The following CDC14B variants were observed in gnomAD, a reference collection of about 807,000 sequenced individuals.
The protein encoded by CDC14B is dual specificity protein phosphatase CDC14B.
Under a neutral mutation model 64.2 loss-of-function variants are expected in CDC14B, and 22 were observed. The ratio of observed to expected loss-of-function variants is 0.34; its 90% CI spans 0.24 to 0.49. The LOEUF is 0.49. Ranked by LOEUF, CDC14B falls within the 20% of genes least tolerant of loss-of-function variation. The pLI is 0.99. For missense variants in CDC14B, 498 were observed against 629.9 expected, an observed-to-expected ratio of 0.79 and a Z score of 2.24; for synonymous variants, 191 against 215.8, an observed-to-expected ratio of 0.89 and a Z score of 1.01.
intron 1 of CDC14B, among the ~76,000 whole-genome samples, chr9:96,594,464 C>G (rs1439389343): frequency 3.3e-5 from 5 of 152,098 alleles, no homozygotes; most frequent in Admixed American, 3.3e-4. Context: ...CACCTGTAAT[C>G]TCAGCACTTT....
chr9:96,522,808 A>T (rs547798885), intron 11 of CDC14B, among the ~76,000 whole-genome samples: 1 of 151,354 alleles, frequency 6.6e-6, no homozygotes, highest in East Asian at 1.9e-4. Context: ...TCTTGTTAGA[A>T]AACACATCAA....
downstream of CDC14B, chr9:96,496,290 G>T (rs1304775829): frequency 1.9e-6 from 1 of 513,418 alleles, no homozygotes; most frequent in Non-Finnish European, 3.9e-6. Context: ...CGCAGGTCTA[G>T]TCCTTGTGGA....
At chr9:96,497,258 TTGC>T (rs1263812870), downstream of CDC14B, among the ~76,000 whole-genome samples, 1 of 152,188 alleles carries the variant, frequency 6.6e-6, no homozygotes, top group Non-Finnish European at 1.5e-5. Context: ...CCATGCAGAC[TTGC>T]TGCCAAAGAG....
intron 1 of CDC14B, among the ~76,000 whole-genome samples, chr9:96,618,203 A>G (rs1211774812): frequency 6.6e-6 from 1 of 152,094 alleles, no homozygotes; most frequent in Middle Eastern, 3.4e-3. Context: ...TGTTCTCGCC[A>G]CTCCAGCTTA....
chr9:96,619,093 G>C (rs563315869), intron 1 of CDC14B, 126 bp downstream of exon 1: 6 of 685,820 alleles, frequency 8.7e-6, no homozygotes, highest in African/African-American at 1.9e-5. Flanking sequence ...GGGCGTTTAA[G>C]GGGGTGGGGG....
chr9:96,528,315 A>G (rs1457196719), intron 9 of CDC14B, among the ~76,000 whole-genome samples: 2 of 152,130 alleles, frequency 1.3e-5, no homozygotes, highest in African/African-American at 4.8e-5. Context: ...TGAGGTCAGG[A>G]GTTCGAGACC....
chr9:96,525,549 G>A (rs1338594914), intron 9 of CDC14B, among the ~76,000 whole-genome samples: 1 of 152,140 alleles, frequency 6.6e-6, no homozygotes, highest in Non-Finnish European at 1.5e-5. Context: ...AGCCCTCAGG[G>A]ACAAAGCCAC....
chr9:96,574,783 TAGG>T (rs536890838), intron 1 of CDC14B, among the ~76,000 whole-genome samples: 112 of 143,988 alleles, frequency 7.8e-4, no homozygotes, highest in African/African-American at 3.0e-3. Context: ...ACTCACAGAA[TAGG>T]AGAAGATAGA....
At chr9:96,591,056 T>C (rs1183126744) in intron 1 of CDC14B, among the ~76,000 whole-genome samples, 1 of 152,186 alleles carries the variant, frequency 6.6e-6, no homozygotes. Context: ...CCATTCTAGG[T>C]TGTCTTTTCA....
chr9:96,558,681 G>T (rs991953385), intron 4 of CDC14B, among the ~76,000 whole-genome samples: 1 of 152,092 alleles, frequency 6.6e-6, no homozygotes, highest in South Asian at 2.1e-4. Context: ...GTTTTGAAAA[G>T]CACTTAAAAT....
intron 1 of CDC14B, among the ~76,000 whole-genome samples, chr9:96,615,397 G>C (rs891119096): frequency 6.6e-6 from 1 of 152,130 alleles, no homozygotes; most frequent in Non-Finnish European, 1.5e-5. Flanking sequence ...CAAAAATAGG[G>C]ATTAAGCATC....
Position 96,520,732 on chromosome 9 carries a change from TCA to T in CDC14B, c.1343+1772_1343+1773del, listed in dbSNP as rs752722208. Among the ~76,000 whole-genome samples, 13 of 152,156 alleles carry T rather than the reference TCA, an allele frequency of 8.5e-5. No individual in the cohort carries two copies. The East Asian group carries it at 2.3e-3, about 27-fold the overall frequency. Reference sequence around the variant, plus strand: ...CAGCTAAAATCAACCCACAAAAGCATCAGTTTCCTAGGGCTTGCAATTCAATG... The same window carrying T: ...CAGCTAAAATCAACCCACAAAAGCATGTTTCCTAGGGCTTGCAATTCAATG... On this transcript the variant is annotated intron_variant, in intron 12 of 13. Transcript: ENST00000375241.
chr9:96,591,237 T>A (rs1845776610), intron 1 of CDC14B, among the ~76,000 whole-genome samples: 2 of 152,222 alleles, frequency 1.3e-5, no homozygotes, highest in South Asian at 4.1e-4. Context: ...TAGTTTCTGG[T>A]CTTATGTTTA....
intron 1 of CDC14B, among the ~76,000 whole-genome samples, chr9:96,571,575 T>C (rs984357985): frequency 1.3e-5 from 2 of 152,144 alleles, no homozygotes; most frequent in African/African-American, 2.4e-5. Context: ...AAAAGACCTA[T>C]AATAAAAGTT....
At chr9:96,519,730 TAAAAA>T (rs59101582) in intron 12 of CDC14B, among the ~76,000 whole-genome samples, 1,611 of 111,358 alleles carry the variant, frequency 0.014, 26 homozygotes, top group African/African-American at 0.045. Flanking sequence ...GACTCTGTCT[TAAAAA>T]AAAAAAAAAA....
chr9:96,559,004 T>C (rs1263165357), intron 4 of CDC14B, among the ~76,000 whole-genome samples: 2 of 152,164 alleles, frequency 1.3e-5, no homozygotes, highest in South Asian at 2.1e-4. Flanking sequence ...TGAAATACAA[T>C]AAAGACAAAT....
Position 96,610,098 on chromosome 9 carries a change from T to TACAC in CDC14B, c.160+9117_160+9120dup, listed in dbSNP as rs570379220. Among the ~76,000 whole-genome samples the TACAC allele has an allele frequency of 2.6e-3, 386 of 149,568 alleles. 2 individuals carry two copies. The highest frequency in any genetic ancestry group is 3.0e-3 in the African/African-American group (122 of 41,056). ...GTTTTAAATTGGAAAGATATATAGA[T>TACAC]ACACACACACACACACACACACCCA... is the stretch of plus-strand genomic sequence containing the variant. On this transcript the variant is annotated intron_variant, in intron 1 of 13. Transcript: ENST00000375241.
chr9:96,566,926 C>G, intron 1 of CDC14B: 7 of 1,521,280 alleles, frequency 4.6e-6, no homozygotes, highest in Non-Finnish European at 6.2e-6. Context: ...TAAAGGGCCG[C>G]GCGGGGCAGC....
At chr9:96,544,932 G>GA (rs895533687) in intron 5 of CDC14B, among the ~76,000 whole-genome samples, 6 of 152,094 alleles carry the variant, frequency 3.9e-5, no homozygotes, top group Non-Finnish European at 8.8e-5. Flanking sequence ...TATTCAGAAA[G>GA]AAAAAAACAA....
Sources: allele counts gnomAD v4.1 joint callset (sites outside exome capture counted in the v4.1 genomes callset), GRCh38; gene constraint gnomAD v4.1.1; transcripts MANE v1.5; gene names NCBI Gene and HGNC (gene_info 2026-07-23, HGNC 2026-07-21).